The following RORA variants were observed in gnomAD, a reference collection of about 807,000 sequenced individuals.
The protein encoded by RORA is nuclear receptor ROR-alpha.
A neutral mutation model predicts 69.5 loss-of-function variants in RORA; 7 were observed. That is an observed-to-expected ratio of 0.10 (90% confidence interval 0.06 to 0.19). RORA has a LOEUF of 0.19. Ranked by LOEUF, RORA falls within the 10% of genes least tolerant of loss-of-function variation. The pLI, the probability that RORA is intolerant of heterozygous loss-of-function variation, is 1.00. For missense variants in RORA, 457 were observed against 663.0 expected (o/e 0.69, Z 3.41); for synonymous variants, 261 against 240.8 (o/e 1.08, Z -0.78).
At chr15:60,964,517 C>T (rs1349239868) in intron 1 of RORA, among the ~76,000 whole-genome samples, 1 of 152,150 alleles carries the variant, frequency 6.6e-6, no homozygotes, top group African/African-American at 2.4e-5. Context: ...TCATTCTGCT[C>T]CTTTCCTTGT....
At chr15:60,528,560 G>A (rs1249694421) in intron 3 of RORA, 1 of 152,168 alleles carries the variant, frequency 6.6e-6, no homozygotes, top group African/African-American at 2.4e-5. Context: ...AGTGCTCATA[G>A]TATTCTTTTT....
At chr15:61,217,864 C>T (rs1380513765) in intron 1 of RORA, among the ~76,000 whole-genome samples, 1 of 152,150 alleles carries the variant, frequency 6.6e-6, no homozygotes, top group African/African-American at 2.4e-5. Flanking sequence ...CATAAAGATA[C>T]TGTATGATTA....
intron 1 of RORA, among the ~76,000 whole-genome samples, chr15:60,786,421 C>T (rs536682331): frequency 4.6e-5 from 7 of 152,332 alleles, no homozygotes; most frequent in African/African-American, 1.4e-4. Context: ...TCTTGAGCCT[C>T]GCTAGAGAAA....
At chr15:60,856,679 C>T (rs887164046) in intron 1 of RORA, among the ~76,000 whole-genome samples, 5 of 152,076 alleles carry the variant, frequency 3.3e-5, no homozygotes, top group African/African-American at 1.2e-4. Flanking sequence ...CAGGTGACTC[C>T]TGGCAACTGC....
At chr15:60,578,463 ACAGACT>A (rs2140475372) in intron 2 of RORA, among the ~76,000 whole-genome samples, 1 of 152,326 alleles carries the variant, frequency 6.6e-6, no homozygotes, top group African/African-American at 2.4e-5. Context: ...TCAGGAGATA[ACAGACT>A]CAAAGTTCAT....
At chr15:61,082,254 C>T (rs544294814) in intron 1 of RORA, among the ~76,000 whole-genome samples, 16 of 152,306 alleles carry the variant, frequency 1.1e-4, no homozygotes, top group South Asian at 4.1e-4. Context: ...TCTGGGAGGC[C>T]GCGGCGGGCG....
rs56315219 is a variant in RORA at position 61,147,313 on chromosome 15, G to A, written c.166+81740C>T. Among the ~76,000 whole-genome samples the A allele has an allele frequency of 0.034, 5,172 of 152,302 alleles. 119 individuals carry two copies. Among genetic ancestry groups the A allele is most frequent in the Middle Eastern group, 0.061 (18 of 294 alleles). On this transcript the variant is annotated intron_variant, in intron 1 of 10. Transcript: ENST00000335670. The surrounding 1 kb of genome is among the most constrained non-coding windows in gnomAD (Gnocchi z 4.1). ...AGCCACGACTTTGGCCCTCTGTGGT[G>A]CCTGGCCAGTCCCACTAGGCTTGGC... is the stretch of plus-strand genomic sequence containing the variant.
At chr15:61,173,209 A>G (rs1230415741) in intron 1 of RORA, among the ~76,000 whole-genome samples, 1 of 152,132 alleles carries the variant, frequency 6.6e-6, no homozygotes, top group Non-Finnish European at 1.5e-5. Context: ...TATACAGGAA[A>G]ACTGGATCAC....
chr15:61,049,606 C>G (rs751742168), intron 1 of RORA, among the ~76,000 whole-genome samples: 1 of 152,106 alleles, frequency 6.6e-6, no homozygotes, highest in Non-Finnish European at 1.5e-5. Context: ...TCCACACTTA[C>G]GGAAGTGGGG....
chr15:60,520,360 G>C (rs930358369), intron 3 of RORA: 8 of 151,838 alleles, frequency 5.3e-5, no homozygotes, highest in African/African-American at 1.7e-4. Context: ...TGAGGGTTTG[G>C]GTTGCTTCTT....
At chr15:60,815,397 C>A (rs1338884677) in intron 1 of RORA, among the ~76,000 whole-genome samples, 1 of 152,074 alleles carries the variant, frequency 6.6e-6, no homozygotes, top group East Asian at 1.9e-4. Flanking sequence ...AAAACTAGTC[C>A]GTTTAAACCC....
chr15:61,009,255 T>C (rs1249769987), intron 1 of RORA, among the ~76,000 whole-genome samples: 1 of 152,138 alleles, frequency 6.6e-6, no homozygotes, highest in Non-Finnish European at 1.5e-5. Context: ...GGGGGAGGGA[T>C]GGGTAGGAAA....
chr15:60,772,870 C>T (rs574273207), intron 1 of RORA, among the ~76,000 whole-genome samples: 1 of 152,316 alleles, frequency 6.6e-6, no homozygotes, highest in African/African-American at 2.4e-5. Context: ...ATATCCACAC[C>T]ATGGCAGCAC....
chr15:60,595,346 CTACAAAAA>C (rs1368012382), intron 2 of RORA, among the ~76,000 whole-genome samples: 1 of 151,914 alleles, frequency 6.6e-6, no homozygotes, highest in Admixed American at 6.6e-5. Flanking sequence ...AACCCCATCT[CTACAAAAA>C]TACAAAAATT....
At position 60,617,664 on chromosome 15, in the gene RORA, AGAGAGAGAG is replaced by A. The variant is rs2069284615; in HGVS notation, c.196+60984_196+60992del. Among the ~76,000 whole-genome samples the A allele has an allele frequency of 6.2e-5, 5 of 80,714 alleles. No individual in the cohort carries two copies. In the African/African-American group the frequency reaches 6.4e-4, roughly 10 times the overall value. 53.0% of individuals were successfully genotyped at this position (80,714 alleles called of 152,430 possible). ...CGCACATACACACATACAGACAGAG[AGAGAGAGAG>A]AGAGAGAGAGAGAGAGAGAAAGAGG... On this transcript the variant is annotated intron_variant, in intron 2 of 10. Coordinates refer to ENST00000335670, the MANE Select transcript of RORA (RefSeq NM_134261.3).
chr15:60,840,373 T>G (rs1439362304), intron 1 of RORA, among the ~76,000 whole-genome samples: 4 of 152,168 alleles, frequency 2.6e-5, no homozygotes, highest in African/African-American at 9.6e-5. Context: ...TGGGGCCAGG[T>G]GAAGGCAAAA....
intron 1 of RORA, among the ~76,000 whole-genome samples, chr15:61,225,206 G>A (rs1004932091): frequency 6.6e-6 from 1 of 152,058 alleles, no homozygotes; most frequent in African/African-American, 2.4e-5. Context: ...GAAAATTAAA[G>A]TCCTTTAGTT....
chr15:61,191,773 G>A (rs1259260354), intron 1 of RORA, among the ~76,000 whole-genome samples: 3 of 152,166 alleles, frequency 2.0e-5, no homozygotes, highest in South Asian at 4.1e-4. Context: ...GGTACCAATG[G>A]GCTCATTTAT....
intron 1 of RORA, among the ~76,000 whole-genome samples, chr15:60,917,084 A>C (rs1891894797): frequency 6.6e-6 from 1 of 152,090 alleles, no homozygotes; most frequent in African/African-American, 2.4e-5. Flanking sequence ...CTGCTTCAAC[A>C]ACTTCTGCAT....
Sources: gnomAD v4.1 joint callset for allele counts (sites outside exome capture counted in the v4.1 genomes callset) on GRCh38, gnomAD v4.1.1 for gene constraint, Gnocchi (gnomAD v3.1) non-coding constraint, MANE v1.5 for transcripts, NCBI Gene and HGNC (gene_info 2026-07-23, HGNC 2026-07-21) for gene names.